The following NAV3 variants were observed in gnomAD, a reference collection of about 807,000 sequenced individuals.
The protein encoded by NAV3 is pore membrane and/or filament interacting like protein 1.
A neutral mutation model predicts 244.7 loss-of-function variants in NAV3; 87 were observed. That is an observed-to-expected ratio of 0.36 (90% CI 0.30 to 0.42). The LOEUF (loss-of-function observed/expected upper bound fraction) is 0.42. NAV3 is among the 20% of genes least tolerant of loss of function. The pLI, the probability that NAV3 is intolerant of heterozygous loss-of-function variation, is 1.00. For synonymous variants in NAV3, 1,126 were observed against 1,042.2 expected (o/e 1.08, Z -1.55); for missense variants, 2,663 against 2,893.3 (o/e 0.92, Z 1.83).
intron 7 of NAV3, among the ~76,000 whole-genome samples, chr12:78,000,608 A>G (rs1271141394): frequency 7.5e-6 from 1 of 133,002 alleles, no homozygotes; most frequent in Non-Finnish European, 1.5e-5. Flanking sequence ...GGTTCACGCC[A>G]TTCACCTGCC....
At chr12:77,723,364 T>A (rs1052478908) in intron 2 of NAV3, among the ~76,000 whole-genome samples, 1 of 152,040 alleles carries the variant, frequency 6.6e-6, no homozygotes, top group Non-Finnish European at 1.5e-5. Flanking sequence ...TGAAAAGTTT[T>A]TTTTTTTAAA....
intron 1 of NAV3, among the ~76,000 whole-genome samples, chr12:77,870,399 G>A (rs1213687379): frequency 6.6e-6 from 1 of 150,686 alleles, no homozygotes; most frequent in East Asian, 1.9e-4. Context: ...TCTAATAATT[G>A]CTACATCTCT....
chr12:77,820,979 G>A (rs1872717942), intron 2 of NAV3, among the ~76,000 whole-genome samples: 1 of 151,846 alleles, frequency 6.6e-6, no homozygotes, highest in African/African-American at 2.4e-5. Context: ...TATGACTTCA[G>A]GTAGGTTGAA....
chr12:77,958,743 T>G (rs1205173550), intron 3 of NAV3, among the ~76,000 whole-genome samples: 1 of 152,108 alleles, frequency 6.6e-6, no homozygotes, highest in Non-Finnish European at 1.5e-5. Context: ...CATGCTTAAA[T>G]TTAACATGAA....
chr12:78,056,774 A>T (rs1033532638), intron 11 of NAV3, among the ~76,000 whole-genome samples: 2 of 152,180 alleles, frequency 1.3e-5, no homozygotes, highest in Admixed American at 1.3e-4. Context: ...GTTGAATCAT[A>T]AATTTAACTC....
chr12:77,767,982 C>T (rs549526874), intron 2 of NAV3, among the ~76,000 whole-genome samples: 80 of 152,282 alleles, frequency 5.3e-4, no homozygotes, highest in Non-Finnish European at 1.0e-3. Flanking sequence ...TGAAGAAGTG[C>T]TTTATTGAGC....
intron 1 of NAV3, among the ~76,000 whole-genome samples, chr12:77,920,496 A>G (rs1887605562): frequency 6.6e-6 from 1 of 152,008 alleles, no homozygotes; most frequent in Non-Finnish European, 1.5e-5. Flanking sequence ...TTTACTTATA[A>G]ATTTTATAGT....
At chr12:77,633,617 C>A (rs1181987564) in intron 2 of NAV3, among the ~76,000 whole-genome samples, 2 of 152,006 alleles carry the variant, frequency 1.3e-5, no homozygotes, top group African/African-American at 4.8e-5. Context: ...AAAAACAAAA[C>A]CAACTTAAAT....
At chr12:78,077,677 C>G (rs934639124) in intron 12 of NAV3, among the ~76,000 whole-genome samples, 5 of 152,192 alleles carry the variant, frequency 3.3e-5, no homozygotes, top group African/African-American at 4.8e-5. Context: ...GTGGCTCATG[C>G]CTATAATCCC....
chr12:78,113,043 C>A (rs1367164310), intron 12 of NAV3, among the ~76,000 whole-genome samples: 1 of 152,186 alleles, frequency 6.6e-6, no homozygotes, highest in Non-Finnish European at 1.5e-5. Flanking sequence ...ATTGTTAAAC[C>A]TTAAAGTTTC....
In NAV3 at chr12:78,203,567, G is replaced by C. The variant is rs567608759; in HGVS notation, c.6835-1368G>C. ...CAACTTCTCCAGAAGAAACTCAAAA[G>C]AAAACTCCAAGGCAGTCCATGAAGT... is the stretch of plus-strand genomic sequence containing the variant. On this transcript the variant is annotated intron_variant, in intron 38 of 39. Coordinates refer to ENST00000397909, the MANE Select transcript of NAV3 (RefSeq NM_001024383.2). 1.5e-3 allele frequency among the ~76,000 whole-genome samples: 226 copies of C among 152,168 alleles called. 1 individual carries two copies. The highest frequency in any genetic ancestry group is 5.2e-3 in the African/African-American group (217 of 41,538).
intron 7 of NAV3, among the ~76,000 whole-genome samples, chr12:78,005,701 C>T (rs1874081489): frequency 6.6e-6 from 1 of 150,612 alleles, no homozygotes; most frequent in Non-Finnish European, 1.5e-5. Context: ...CTCCACCATA[C>T]ACTCCTCATT....
At chr12:77,593,280 C>CTGTGTGTGTG (rs10538987) in intron 2 of NAV3, among the ~76,000 whole-genome samples, 22 of 149,042 alleles carry the variant, frequency 1.5e-4, no homozygotes, top group Non-Finnish European at 2.4e-4. Flanking sequence ...GTATGTGTGT[C>CTGTGTGTGTG]TGTGTGTGTG....
intron 19 of NAV3, 68 bp downstream of exon 19, chr12:78,137,433 A>G (rs1956422281): frequency 7.1e-7 from 1 of 1,411,038 alleles, no homozygotes; most frequent in Admixed American, 2.3e-5. Flanking sequence ...CCATTGTGTC[A>G]CTCACATCAC....
At chr12:78,154,490 A>G (rs566760604) in intron 22 of NAV3, among the ~76,000 whole-genome samples, 1 of 150,938 alleles carries the variant, frequency 6.6e-6, no homozygotes, top group African/African-American at 2.4e-5. Flanking sequence ...GTTGTGTGGC[A>G]TCATAGTAAT....
In NAV3 at chr12:77,903,846, G is replaced by A. The variant is rs371386114; in HGVS notation, c.244-36473G>A. 8.3e-3 allele frequency among the ~76,000 whole-genome samples: 1,257 copies of A among 152,030 alleles called. 16 individuals carry two copies. The highest frequency in any genetic ancestry group is 0.044 in the South Asian group (211 of 4,812). On this transcript the variant is annotated intron_variant, in intron 1 of 39. Coordinates refer to ENST00000397909, the MANE Select transcript of NAV3 (RefSeq NM_001024383.2). ...AAAAGTGGGTGAAGGATATGAACAG[G>A]CACTTCTCAAAAGAAGACATTTATG...
At chr12:77,891,937 C>T (rs1673033815) in intron 1 of NAV3, among the ~76,000 whole-genome samples, 1 of 152,176 alleles carries the variant, frequency 6.6e-6, no homozygotes, top group African/African-American at 2.4e-5. Context: ...GGTGTGGTTC[C>T]TCAGCCACTG....
In NAV3 at chr12:77,768,126, C is replaced by T. The variant is rs996870507; in HGVS notation, c.73-172193C>T. Among the ~76,000 whole-genome samples, 15 of 152,272 alleles carry T rather than the reference C, an allele frequency of 9.9e-5. No homozygotes were observed. The South Asian group carries it at 1.0e-3, about 11-fold the overall frequency. On this transcript the variant is annotated intron_variant, in intron 2 of 8. Coordinates refer to the NAV3 transcript ENST00000550042. ...CAGGTAGGTCATCCCATCATCTGCC[C>T]GAATCTGGCTGAGTCTGGGGTTTTT... is the stretch of plus-strand genomic sequence containing the variant.
chr12:77,767,844 G>A (rs1447203253), intron 2 of NAV3, among the ~76,000 whole-genome samples: 1 of 152,204 alleles, frequency 6.6e-6, no homozygotes, highest in Non-Finnish European at 1.5e-5. Context: ...GCAATGCAGT[G>A]AGCAAAGGAG....
Sources: gnomAD v4.1 joint callset for allele counts (sites outside exome capture counted in the v4.1 genomes callset) on GRCh38, gnomAD v4.1.1 for gene constraint, MANE v1.5 for transcripts, NCBI Gene and HGNC (gene_info 2026-07-23, HGNC 2026-07-21) for gene names.